Variants in FOXN3 observed in about 807,000 individuals in gnomAD.
The protein encoded by FOXN3 is forkhead box protein N3.
FOXN3 carries 7 observed loss-of-function variants against 38.4 expected under a neutral mutation model. The observed-to-expected ratio is 0.18, with a 90% CI of 0.10 to 0.34. The LOEUF is 0.34. Among genes scored for constraint, FOXN3 ranks in the 10% least tolerant of loss-of-function variants. The pLI, the probability that FOXN3 is intolerant of heterozygous loss-of-function variation, is 1.00. For synonymous variants in FOXN3, 230 were observed against 242.2 expected (o/e 0.95, Z 0.47); for missense variants, 456 against 613.4 (o/e 0.74, Z 2.71).
At chr14:89,428,205 T>C (rs1473613612) in intron 1 of FOXN3, among the ~76,000 whole-genome samples, 1 of 152,240 alleles carries the variant, frequency 6.6e-6, no homozygotes. Context: ...ACTAACATAT[T>C]TCCCTGCAGC....
At chr14:89,326,960 C>T (rs761152862) in intron 3 of FOXN3, among the ~76,000 whole-genome samples, 8 of 152,174 alleles carry the variant, frequency 5.3e-5, no homozygotes, top group Non-Finnish European at 1.2e-4. Context: ...TTCCCGGGTA[C>T]GTAATATGCA....
chr14:89,290,539 C>A (rs1375367109), intron 3 of FOXN3: 4 of 544,462 alleles, frequency 7.3e-6, no homozygotes. Flanking sequence ...GCTGATTTTT[C>A]ACAATTGAAA....
intron 2 of FOXN3, among the ~76,000 whole-genome samples, chr14:89,382,147 C>T (rs1566973264): frequency 6.6e-6 from 1 of 152,096 alleles, no homozygotes; most frequent in Non-Finnish European, 1.5e-5. Flanking sequence ...TACTTCCCTT[C>T]CTTGTCTGCC....
At chr14:89,289,577 C>T (rs141031759) in intron 3 of FOXN3, among the ~76,000 whole-genome samples, 196 of 152,294 alleles carry the variant, frequency 1.3e-3, no homozygotes, top group African/African-American at 4.4e-3. Flanking sequence ...GGTAGAAATA[C>T]ATATAAGATG....
chr14:89,312,284 CAAAAA>C lies in FOXN3; in HGVS notation c.681-31275_681-31271del, dbSNP rs59949946. Among the ~76,000 whole-genome samples, 18 of 60,598 alleles carry C rather than the reference CAAAAA, an allele frequency of 3.0e-4. 2 individuals are homozygous for C. The highest frequency in any genetic ancestry group is 1.3e-3 in the African/African-American group (16 of 12,084). 39.8% of individuals were successfully genotyped at this position (60,598 alleles called of 152,430 possible). ...TGGGTGACAGAGCAAGACTCGGTCT[CAAAAA>C]AAAAAAAAAAAAGAAGCCAAGGCCC... On this transcript the variant is annotated intron_variant, in intron 3 of 5. Transcript: ENST00000557258.
chr14:89,323,439 G>A (rs143682405), intron 3 of FOXN3, among the ~76,000 whole-genome samples: 398 of 151,406 alleles, frequency 2.6e-3, no homozygotes, highest in African/African-American at 9.2e-3. Flanking sequence ...AAGAGGACCC[G>A]GCTGGGCACA....
chr14:89,464,976 G>A (rs181509754), intron 1 of FOXN3, among the ~76,000 whole-genome samples: 49 of 152,242 alleles, frequency 3.2e-4, no homozygotes, highest in African/African-American at 1.0e-3. Flanking sequence ...GTCTGCAGGC[G>A]TGAGCCACCG....
intron 1 of FOXN3, among the ~76,000 whole-genome samples, chr14:89,481,294 C>G (rs781047144): frequency 3.9e-5 from 6 of 152,126 alleles, no homozygotes; most frequent in Admixed American, 6.6e-5. Context: ...ACAAGCTGCA[C>G]TTGTCAACAT....
At chr14:89,281,144 G>A (rs558066942) in intron 3 of FOXN3, 130 bp from the exon 4 acceptor site, 49 of 723,384 alleles carry the variant, frequency 6.8e-5, no homozygotes, top group African/African-American at 3.5e-4. Flanking sequence ...ATGCATCCTC[G>A]AAAACCATGA....
chr14:89,504,687 G>A (rs1302662635), intron 1 of FOXN3, among the ~76,000 whole-genome samples: 1 of 152,164 alleles, frequency 6.6e-6, no homozygotes, highest in African/African-American at 2.4e-5. Flanking sequence ...AAATCTAGGA[G>A]AATCTCTGAG....
At position 89,291,295 on chromosome 14, in the gene FOXN3, A is replaced by G. The variant is rs1431234791; in HGVS notation, c.681-10281T>C. On this transcript the variant is annotated intron_variant, in intron 3 of 5. Coordinates refer to ENST00000557258, the MANE Select transcript of FOXN3 (RefSeq NM_005197.4). ...GAATCTTTTCTGATTTGGGTTTCAG[A>G]AATGCAGCCACGCATTCTCTCGGGG... 8 of 473,484 alleles carry G rather than the reference A, an allele frequency of 1.7e-5. No homozygotes were observed. The East Asian group carries it at 4.1e-4, about 24-fold the overall frequency. 29.3% of individuals were successfully genotyped at this position (473,484 alleles called of 1,614,324 possible).
intron 1 of FOXN3, among the ~76,000 whole-genome samples, chr14:89,540,559 G>A (rs1445845082): frequency 4.0e-5 from 6 of 151,812 alleles, no homozygotes; most frequent in East Asian, 3.9e-4. Context: ...ATAGTGAAAC[G>A]TCGTCTCTAC....
At position 89,162,862 on chromosome 14, in the gene FOXN3, G is replaced by C. The variant is rs752481081; in HGVS notation, c.959C>G (p.Ser320Cys). ...KEDHNYSSAK[S>C]SNARSTSPTS... Reference sequence around the variant, plus strand: ...GGGCGAGGTGCTCCGGGCGTTGGAGGACTTGGCACTGCTGTAGTTGTGATC... The same window carrying C: ...GGGCGAGGTGCTCCGGGCGTTGGAGCACTTGGCACTGCTGTAGTTGTGATC... Residue 320 changes from serine (S) to cysteine (C), a missense_variant, in exon 6 of 6, where the codon TCC becomes TGC. This residue lies in a region of FOXN3 where 386 missense variants were observed against 505.2 expected (regional missense o/e 0.76). Coordinates refer to ENST00000557258, the MANE Select transcript of FOXN3 (RefSeq NM_005197.4). The surrounding 1 kb of genome is among the most constrained non-coding windows in gnomAD (Gnocchi z 7.2). 8.1e-6 allele frequency: 13 copies of C among 1,611,650 alleles called. No homozygotes were observed. The Middle Eastern group carries it at 6.6e-4, about 82-fold the overall frequency.
At chr14:89,556,739 ACCTAAGATATTGATTCCCAAG>A (rs1231595081) in intron 1 of FOXN3, among the ~76,000 whole-genome samples, 10 of 152,216 alleles carry the variant, frequency 6.6e-5, no homozygotes, top group Non-Finnish European at 1.0e-4. Context: ...TGTGGATTCA[ACCTAAGATATTGATTCCCAAG>A]CCGTCTCTGG....
intron 2 of FOXN3, chr14:89,356,396 C>G (rs1889226655): frequency 2.7e-5 from 4 of 150,660 alleles, no homozygotes; most frequent in Admixed American, 2.6e-4. Flanking sequence ...GACTCGATCT[C>G]AAAAAAATAT....
At chr14:89,394,959 C>T (rs76684832) in intron 2 of FOXN3, among the ~76,000 whole-genome samples, 18,936 of 152,222 alleles carry the variant, frequency 0.12, 1,437 homozygotes, top group East Asian at 0.35. Flanking sequence ...ACAACCCATC[C>T]GGGTTTTCTG....
chr14:89,176,769 T>C (rs201538322), intron 5 of FOXN3, among the ~76,000 whole-genome samples: 5 of 152,334 alleles, frequency 3.3e-5, no homozygotes, highest in East Asian at 3.9e-4. Flanking sequence ...ATTAGGCAGA[T>C]GCCTCCATAG....
At chr14:89,299,899 A>G (rs1887164575) in intron 3 of FOXN3, among the ~76,000 whole-genome samples, 1 of 152,170 alleles carries the variant, frequency 6.6e-6, no homozygotes, top group Admixed American at 6.6e-5. Flanking sequence ...CCCCTCCATC[A>G]AGAGCAAACA....
At chr14:89,350,931 C>G (rs1888941765) in intron 2 of FOXN3, 123 bp from the exon 3 acceptor site, 2 of 697,428 alleles carry the variant, frequency 2.9e-6, no homozygotes, top group East Asian at 6.7e-5. Context: ...GACTGTTTGC[C>G]AGCCTTAAAT....
Sources: gnomAD v4.1 joint callset for allele counts (sites outside exome capture counted in the v4.1 genomes callset) on GRCh38, gnomAD v4.1.1 for gene constraint, gnomAD v4.1.1 regional missense constraint, Gnocchi (gnomAD v3.1) non-coding constraint, MANE v1.5 for transcripts, NCBI Gene and HGNC (gene_info 2026-07-23, HGNC 2026-07-21) for gene names.